Variants in ATRNL1 observed in about 807,000 individuals in gnomAD.
The protein encoded by ATRNL1 is attractin like 1.
A neutral mutation model predicts 182.7 loss-of-function variants in ATRNL1; 95 were observed. That is an observed-to-expected ratio of 0.52 (90% CI 0.44 to 0.62). ATRNL1 has a LOEUF of 0.62. Ranked by LOEUF, ATRNL1 falls within the 20% of genes least tolerant of loss-of-function variation. The probability of loss-of-function intolerance (pLI) is 0.00; values close to 1 mark genes in which losing one functional copy is unlikely to be tolerated. For synonymous variants in ATRNL1, 576 were observed against 568.3 expected (o/e 1.01, Z -0.19); for missense variants, 1,471 against 1,679.5 (o/e 0.88, Z 2.17).
chr10:115,871,908 T>G (rs1243844713), intron 28 of ATRNL1, among the ~76,000 whole-genome samples: 1 of 152,158 alleles, frequency 6.6e-6, no homozygotes, highest in Non-Finnish European at 1.5e-5. Flanking sequence ...ATCAAATAAT[T>G]TAAACTCCCA....
At chr10:115,246,367 A>G (rs1287718859) in intron 10 of ATRNL1, among the ~76,000 whole-genome samples, 1 of 152,194 alleles carries the variant, frequency 6.6e-6, no homozygotes, top group Non-Finnish European at 1.5e-5. Flanking sequence ...TTAGTTGGAA[A>G]GAACTTGTTA....
At chr10:115,737,428 C>T (rs2134087018) in intron 27 of ATRNL1, among the ~76,000 whole-genome samples, 1 of 151,138 alleles carries the variant, frequency 6.6e-6, no homozygotes, top group African/African-American at 2.4e-5. Flanking sequence ...AGAGCAAGAC[C>T]CTGTCTAAAA....
chr10:115,152,317 T>C (rs560211764), intron 5 of ATRNL1, among the ~76,000 whole-genome samples: 1 of 152,334 alleles, frequency 6.6e-6, no homozygotes, highest in African/African-American at 2.4e-5. Flanking sequence ...GTATGGCCAT[T>C]TTCACGATGT....
intron 19 of ATRNL1, among the ~76,000 whole-genome samples, chr10:115,372,421 CTG>C (rs1857446836): frequency 6.6e-6 from 1 of 152,064 alleles, no homozygotes; most frequent in South Asian, 2.1e-4. Flanking sequence ...CTTTAATTAT[CTG>C]TGCTTTTGGG....
At chr10:115,906,131 G>A (rs1952496198) in intron 28 of ATRNL1, among the ~76,000 whole-genome samples, 1 of 152,006 alleles carries the variant, frequency 6.6e-6, no homozygotes, top group Non-Finnish European at 1.5e-5. Flanking sequence ...CTCATTGATT[G>A]ACTTTACAAC....
chr10:115,508,505 T>A (rs2133662242), intron 24 of ATRNL1, among the ~76,000 whole-genome samples: 1 of 152,182 alleles, frequency 6.6e-6, no homozygotes, highest in East Asian at 1.9e-4. Flanking sequence ...TTAGCTGAAT[T>A]GTGAATGCAA....
intron 27 of ATRNL1, among the ~76,000 whole-genome samples, chr10:115,783,092 A>G (rs1949306210): frequency 6.6e-6 from 1 of 152,184 alleles, no homozygotes; most frequent in Non-Finnish European, 1.5e-5. Flanking sequence ...AAAGCAGACA[A>G]TGTATATAAT....
chr10:115,363,753 C>T (rs1309344334), intron 19 of ATRNL1, among the ~76,000 whole-genome samples: 20 of 151,312 alleles, frequency 1.3e-4, no homozygotes, highest in Admixed American at 2.6e-4. Context: ...CCAGTTTTCC[C>T]AGAACCATTT....
chr10:115,522,271 G>A (rs1850977524), intron 25 of ATRNL1, among the ~76,000 whole-genome samples: 1 of 152,174 alleles, frequency 6.6e-6, no homozygotes, highest in Admixed American at 6.5e-5. Context: ...TAGGGTGCCA[G>A]CATGTGCATC....
At chr10:115,128,089 T>C (rs781923693) in intron 4 of ATRNL1, among the ~76,000 whole-genome samples, 5 of 152,208 alleles carry the variant, frequency 3.3e-5, no homozygotes, top group Non-Finnish European at 7.3e-5. Flanking sequence ...AAGAGGATTA[T>C]GGGAGCTAAG....
intron 10 of ATRNL1, among the ~76,000 whole-genome samples, chr10:115,242,428 T>G (rs1208828079): frequency 2.0e-5 from 3 of 151,974 alleles, no homozygotes; most frequent in African/African-American, 4.8e-5. Context: ...AGTGAAAACA[T>G]TGTTTTTCTA....
At chr10:115,302,150 A>C (rs1554924795) in intron 17 of ATRNL1, 107 bp downstream of exon 17, 2 of 1,115,850 alleles carry the variant, frequency 1.8e-6, no homozygotes, top group Non-Finnish European at 2.5e-6. Flanking sequence ...AAATGAGAAA[A>C]AATATTGTTA....
At chr10:115,871,469 T>TATATATA (rs1951579875) in intron 28 of ATRNL1, among the ~76,000 whole-genome samples, 7 of 140,316 alleles carry the variant, frequency 5.0e-5, no homozygotes, top group African/African-American at 1.8e-4. Flanking sequence ...GTCAGATTCT[T>TATATATA]TGTGTGTGTG....
At chr10:115,843,017 A>G (rs1437473504) in intron 27 of ATRNL1, among the ~76,000 whole-genome samples, 4 of 152,076 alleles carry the variant, frequency 2.6e-5, no homozygotes, top group Admixed American at 6.6e-5. Flanking sequence ...TCCCTTTAAT[A>G]TCCACAATTT....
intron 20 of ATRNL1, among the ~76,000 whole-genome samples, chr10:115,397,614 G>C (rs1844352609): frequency 6.6e-6 from 1 of 151,870 alleles, no homozygotes; most frequent in Non-Finnish European, 1.5e-5. Flanking sequence ...ATTTTGGTTG[G>C]ATAAGAAAAA....
At chr10:115,636,498 T>C (rs1858881405) in intron 26 of ATRNL1, among the ~76,000 whole-genome samples, 1 of 152,242 alleles carries the variant, frequency 6.6e-6, no homozygotes, top group Non-Finnish European at 1.5e-5. Context: ...ACCATAGTTA[T>C]GTCAAGACCT....
chr10:115,660,165 A>C (rs1464219450), intron 26 of ATRNL1, among the ~76,000 whole-genome samples: 1 of 152,108 alleles, frequency 6.6e-6, no homozygotes, highest in Non-Finnish European at 1.5e-5. Flanking sequence ...GGGAAGAAGA[A>C]GAGTAATCAG....
At chr10:115,830,379 G>T (rs562739549) in intron 27 of ATRNL1, among the ~76,000 whole-genome samples, 6 of 152,274 alleles carry the variant, frequency 3.9e-5, no homozygotes, top group Non-Finnish European at 7.3e-5. Flanking sequence ...ATGTGGAGCA[G>T]CACACTGAGT....
chr10:115,743,726 G>T (rs1361711036), intron 27 of ATRNL1, among the ~76,000 whole-genome samples: 2 of 151,908 alleles, frequency 1.3e-5, no homozygotes, highest in African/African-American at 2.4e-5. Flanking sequence ...TGTTTTAATT[G>T]CTCAATTATG....
Sources: allele counts gnomAD v4.1 joint callset (sites outside exome capture counted in the v4.1 genomes callset), GRCh38; gene constraint gnomAD v4.1.1; transcripts MANE v1.5; gene names NCBI Gene and HGNC (gene_info 2026-07-23, HGNC 2026-07-21).